SIM1: variants seen among roughly 807,000 people sequenced by gnomAD.
SIM1 encodes SIM bHLH transcription factor 1, also known as single-minded homolog 1.
Under a neutral mutation model 78.2 loss-of-function variants are expected in SIM1, and 18 were observed. The ratio of observed to expected loss-of-function variants is 0.23; its 90% CI spans 0.16 to 0.34. SIM1 has a LOEUF of 0.34. Among genes scored for constraint, SIM1 ranks in the 10% least tolerant of loss-of-function variants. The probability of loss-of-function intolerance (pLI) is 1.00; values close to 1 mark genes in which losing one functional copy is unlikely to be tolerated. For missense variants in SIM1, 939 were observed against 975.1 expected, an observed-to-expected ratio of 0.96 and a Z score of 0.49; for synonymous variants, 417 against 385.2, an observed-to-expected ratio of 1.08 and a Z score of -0.97.
intron 10 of SIM1, among the ~76,000 whole-genome samples, chr6:100,416,474 C>T (rs879619674): frequency 6.6e-6 from 1 of 152,082 alleles, no homozygotes; most frequent in South Asian, 2.1e-4. Flanking sequence ...CAAGACATTA[C>T]CCTATGAGTC....
chr6:100,445,603 C>T lies in SIM1; in HGVS notation c.998+1665G>A, dbSNP rs149446530. On this transcript the variant is annotated intron_variant, in intron 9 of 11. Coordinates refer to ENST00000369208, the MANE Select transcript of SIM1 (RefSeq NM_005068.3). ...CAGAATATTTCAAAATGACTCCAAA[C>T]ATAAATTAAGTTTACCCATTGGGAG... is the stretch of plus-strand genomic sequence containing the variant. Among the ~76,000 whole-genome samples the T allele has an allele frequency of 5.5e-3, 833 of 152,304 alleles. 3 individuals are homozygous for T. The highest frequency in any genetic ancestry group is 0.019 in the African/African-American group (788 of 41,574).
At chr6:100,453,478 C>T (rs532355246) in intron 3 of SIM1, among the ~76,000 whole-genome samples, 2 of 152,134 alleles carry the variant, frequency 1.3e-5, no homozygotes, top group Non-Finnish European at 2.9e-5. Flanking sequence ...GGTGCCCCCT[C>T]CCTTGGTTAG....
chr6:100,405,755 A>G (rs1389370122), intron 10 of SIM1, among the ~76,000 whole-genome samples: 2 of 152,138 alleles, frequency 1.3e-5, no homozygotes, highest in Non-Finnish European at 2.9e-5. Flanking sequence ...AGTTACAAAA[A>G]TGTTCCTGGG....
chr6:100,401,315 A>C (rs73760884), intron 10 of SIM1, among the ~76,000 whole-genome samples: 2,034 of 152,298 alleles, frequency 0.013, 53 homozygotes, highest in African/African-American at 0.045. Context: ...TGAAAATTAA[A>C]TGCAATATAG....
chr6:100,419,488 A>T (rs1469917456), intron 10 of SIM1, among the ~76,000 whole-genome samples: 2 of 152,232 alleles, frequency 1.3e-5, no homozygotes, highest in South Asian at 2.1e-4. Context: ...ACACTTATAG[A>T]TATCAACAGA....
intron 2 of SIM1, among the ~76,000 whole-genome samples, chr6:100,462,145 A>G (rs1219634377): frequency 6.6e-6 from 1 of 152,122 alleles, no homozygotes; most frequent in African/African-American, 2.4e-5. Flanking sequence ...TTTCCTGCTC[A>G]TCCATTCATT....
intron 5 of SIM1, 41 bp from the exon 6 acceptor site, chr6:100,449,489 C>CCGGCGGCGTGGGACAG: frequency 1.3e-6 from 2 of 1,594,154 alleles, no homozygotes; most frequent in South Asian, 2.2e-5. Flanking sequence ...TCGTGTGACA[C>CCGGCGGCGTGGGACAG]CGGCGGCGTG....
At chr6:100,424,073 C>A (rs538240730) in intron 9 of SIM1, among the ~76,000 whole-genome samples, 1 of 113,410 alleles carries the variant, frequency 8.8e-6, no homozygotes, top group Non-Finnish European at 1.7e-5. Context: ...CCCCCTCCCA[C>A]CCCCCGCCCA....
intron 6 of SIM1, 25 bp downstream of exon 6, chr6:100,449,338 C>G: frequency 6.2e-7 from 1 of 1,601,462 alleles, no homozygotes; most frequent in Non-Finnish European, 8.6e-7. Context: ...TGACTCCACC[C>G]GGAGCGGATC....
chr6:100,424,006 C>T (rs867381423), intron 9 of SIM1, among the ~76,000 whole-genome samples: 7 of 152,098 alleles, frequency 4.6e-5, no homozygotes, highest in African/African-American at 1.7e-4. Context: ...GATTTTATGG[C>T]TATAAGCAGT....
At chr6:100,404,792 ACTAATGT>A (rs936832973) in intron 10 of SIM1, among the ~76,000 whole-genome samples, 4 of 152,236 alleles carry the variant, frequency 2.6e-5, no homozygotes, top group African/African-American at 9.6e-5. Flanking sequence ...TAAGAGAAAA[ACTAATGT>A]CAGAATCAAA....
At chr6:100,421,045 A>T in intron 9 of SIM1, 87 bp from the exon 10 acceptor site, 1 of 1,409,828 alleles carries the variant, frequency 7.1e-7, no homozygotes, top group South Asian at 1.4e-5. Flanking sequence ...AGTAATCCGA[A>T]TTTGAAAAGA....
intron 2 of SIM1, among the ~76,000 whole-genome samples, chr6:100,454,292 G>A (rs1036877509): frequency 1.3e-5 from 2 of 152,224 alleles, no homozygotes; most frequent in East Asian, 3.9e-4. Flanking sequence ...GACCTGAGAC[G>A]ACCGGCCAGG....
intron 9 of SIM1, among the ~76,000 whole-genome samples, chr6:100,443,255 T>C (rs112331182): frequency 0.013 from 2,029 of 152,204 alleles, 59 homozygotes; most frequent in African/African-American, 0.047. Context: ...TACTTCCTCA[T>C]ATATGTTCAG....
At chr6:100,423,859 C>T (rs937513431) in intron 9 of SIM1, among the ~76,000 whole-genome samples, 3 of 152,152 alleles carry the variant, frequency 2.0e-5, no homozygotes, top group African/African-American at 7.2e-5. Context: ...AATGCACTTC[C>T]GTTCATTGGA....
At chr6:100,420,483 T>A (rs1356418090) in intron 10 of SIM1, among the ~76,000 whole-genome samples, 3 of 152,214 alleles carry the variant, frequency 2.0e-5, no homozygotes, top group African/African-American at 7.2e-5. Flanking sequence ...GGCTACATCA[T>A]GGTCACTCAC....
intron 10 of SIM1, 21 bp downstream of exon 10, chr6:100,420,769 G>T (rs758954637): frequency 6.2e-7 from 1 of 1,612,652 alleles, no homozygotes; most frequent in Non-Finnish European, 8.5e-7. Context: ...AAAGAAAGTT[G>T]CAAAACAGCA....
intron 10 of SIM1, among the ~76,000 whole-genome samples, chr6:100,399,423 G>C (rs553766307): frequency 5.7e-4 from 86 of 152,186 alleles, no homozygotes; most frequent in African/African-American, 2.0e-3. Context: ...ATTAGTGCTT[G>C]CTAGGGTTAA....
At chr6:100,457,470 G>C (rs1772696718) in intron 2 of SIM1, among the ~76,000 whole-genome samples, 1 of 152,182 alleles carries the variant, frequency 6.6e-6, no homozygotes, top group African/African-American at 2.4e-5. Context: ...AGAGAGTGTA[G>C]GAGAGTCTGG....
Sources: allele counts gnomAD v4.1 joint callset (sites outside exome capture counted in the v4.1 genomes callset), GRCh38; gene constraint gnomAD v4.1.1; transcripts MANE v1.5; gene names NCBI Gene and HGNC (gene_info 2026-07-23, HGNC 2026-07-21).